The following WWOX variants were observed in gnomAD, a reference collection of about 807,000 sequenced individuals.
WWOX encodes the protein WW domain containing oxidoreductase, also known as WW domain-containing oxidoreductase.
Under a neutral mutation model 46.2 loss-of-function variants are expected in WWOX, and 69 were observed. The observed-to-expected ratio is 1.49, with a 90% CI of 1.23 to 1.82. The LOEUF (loss-of-function observed/expected upper bound fraction) is 1.82. WWOX is among the 40% of genes most tolerant of loss of function. The pLI, the probability that WWOX is intolerant of heterozygous loss-of-function variation, is 0.00. For missense variants in WWOX, 919 were observed against 542.6 expected (o/e 1.69, Z -6.89); for synonymous variants, 359 against 202.6 (o/e 1.77, Z -6.56).
intron 5 of WWOX, among the ~76,000 whole-genome samples, chr16:78,327,501 A>G (rs2080651790): frequency 1.3e-5 from 2 of 152,164 alleles, no homozygotes; most frequent in Non-Finnish European, 1.5e-5. Context: ...AAGCTCTATC[A>G]TGCTTGTAGA....
At chr16:78,926,752 C>T (rs992208133) in intron 8 of WWOX, among the ~76,000 whole-genome samples, 3 of 152,090 alleles carry the variant, frequency 2.0e-5, no homozygotes, top group African/African-American at 7.2e-5. Context: ...TCTAGAAAGA[C>T]CATGGGTGTG....
At chr16:78,521,793 T>C (rs919946733) in intron 8 of WWOX, among the ~76,000 whole-genome samples, 5 of 147,742 alleles carry the variant, frequency 3.4e-5, no homozygotes, top group South Asian at 2.2e-4. Context: ...GTTTTTTTTT[T>C]TGGCATAAGA....
At chr16:78,634,837 A>AGAGAGAGAGTGTGTGTGT (rs1346762709) in intron 8 of WWOX, among the ~76,000 whole-genome samples, 2 of 111,718 alleles carry the variant, frequency 1.8e-5, no homozygotes, top group Non-Finnish European at 3.8e-5. Flanking sequence ...AGAGAGAGAG[A>AGAGAGAGAGTGTGTGTGT]GTGTGTGTGT....
intron 8 of WWOX, among the ~76,000 whole-genome samples, chr16:79,165,196 T>A (rs1195841915): frequency 6.6e-6 from 1 of 151,902 alleles, no homozygotes; most frequent in Non-Finnish European, 1.5e-5. Flanking sequence ...CATGAACTTT[T>A]GTAGAAGTAG....
chr16:78,774,120 A>G (rs987588880), intron 8 of WWOX, among the ~76,000 whole-genome samples: 2 of 152,156 alleles, frequency 1.3e-5, no homozygotes, highest in African/African-American at 4.8e-5. Flanking sequence ...CATTACTTCT[A>G]GGCTGGGTGC....
At chr16:79,192,596 A>C (rs893042969) in intron 8 of WWOX, among the ~76,000 whole-genome samples, 2 of 152,232 alleles carry the variant, frequency 1.3e-5, no homozygotes, top group African/African-American at 2.4e-5. Flanking sequence ...TAAGGTGCCT[A>C]GGTATTCAGA....
At chr16:79,166,431 C>A (rs576732158) in intron 8 of WWOX, among the ~76,000 whole-genome samples, 1 of 152,204 alleles carries the variant, frequency 6.6e-6, no homozygotes, top group South Asian at 2.1e-4. Flanking sequence ...AATGATAAAT[C>A]CTCCCTCCTT....
intron 8 of WWOX, among the ~76,000 whole-genome samples, chr16:79,068,756 A>C (rs562702030): frequency 1.3e-5 from 2 of 151,506 alleles, no homozygotes. Flanking sequence ...GGCTGCAGTG[A>C]GATATGACCT....
At chr16:79,108,308 A>G (rs1476079527) in intron 8 of WWOX, among the ~76,000 whole-genome samples, 2 of 152,228 alleles carry the variant, frequency 1.3e-5, no homozygotes, top group Non-Finnish European at 2.9e-5. Context: ...CACACACATC[A>G]GTGTATACCC....
intron 8 of WWOX, among the ~76,000 whole-genome samples, chr16:78,641,414 C>G (rs2046707968): frequency 6.6e-6 from 1 of 152,112 alleles, no homozygotes; most frequent in South Asian, 2.1e-4. Flanking sequence ...ATCCGTGGCT[C>G]TTTCATTAAT....
Position 79,028,907 on chromosome 16 carries a change from A to AG in WWOX, c.1057-182701_1057-182700insG, listed in dbSNP as rs1555514328. On this transcript the variant is annotated intron_variant, in intron 8 of 8. Coordinates refer to ENST00000566780, the MANE Select transcript of WWOX (RefSeq NM_016373.4). The stretch of plus-strand genomic sequence containing the variant: ...GTTTCCTGAACCACTAGAAAAAAAA[A>AG]TGTTCATAAATTTATAGCCGCTGAC... Among the ~76,000 whole-genome samples, 15 of 151,380 alleles carry AG rather than the reference A, an allele frequency of 9.9e-5. 1 individual carries two copies. Among genetic ancestry groups the AG allele is most frequent in the Non-Finnish European group, 1.3e-4 (9 of 67,906 alleles).
At chr16:78,472,771 T>C (rs1330858088) in intron 8 of WWOX, among the ~76,000 whole-genome samples, 1 of 145,904 alleles carries the variant, frequency 6.9e-6, no homozygotes, top group Non-Finnish European at 1.5e-5. Flanking sequence ...ATCTTGCCAT[T>C]GTTCTCCAGC....
Position 78,521,144 on chromosome 16 carries a change from T to C in WWOX, c.1056+88392T>C, listed in dbSNP as rs548227613. 1.9e-4 allele frequency among the ~76,000 whole-genome samples: 29 copies of C among 152,300 alleles called. No individual in the cohort carries two copies. In the South Asian group the frequency reaches 6.0e-3, roughly 32 times the overall value. On this transcript the variant is annotated intron_variant, in intron 8 of 8. Coordinates refer to ENST00000566780, the MANE Select transcript of WWOX (RefSeq NM_016373.4). ...CATTTGACAGCTGTCTTATATAACT[T>C]AATTCTTCATTCCAGTGGCTTTTGG...
chr16:78,964,930 C>T (rs1191330317), intron 8 of WWOX, among the ~76,000 whole-genome samples: 3 of 152,224 alleles, frequency 2.0e-5, no homozygotes, highest in African/African-American at 7.2e-5. Context: ...GCCTTGGCAG[C>T]CTCCATGTGG....
chr16:78,217,026 C>G (rs1597364013), intron 5 of WWOX, among the ~76,000 whole-genome samples: 1 of 152,144 alleles, frequency 6.6e-6, no homozygotes, highest in East Asian at 1.9e-4. Flanking sequence ...CCCAGCCCCT[C>G]TCCCTATTTT....
chr16:78,731,710 A>C (rs187979967), intron 8 of WWOX, among the ~76,000 whole-genome samples: 108 of 152,238 alleles, frequency 7.1e-4, no homozygotes, highest in South Asian at 5.6e-3. Context: ...GAAAGCCTGT[A>C]AGAAGAAGCG....
chr16:79,173,640 GA>G (rs57035134), intron 8 of WWOX, among the ~76,000 whole-genome samples: 1,625 of 138,276 alleles, frequency 0.012, 32 homozygotes, highest in African/African-American at 0.038. Context: ...AAAATTTGAA[GA>G]AAAAAAAAAA....
At chr16:78,453,855 G>C (rs564478241) in intron 8 of WWOX, among the ~76,000 whole-genome samples, 1 of 152,004 alleles carries the variant, frequency 6.6e-6, no homozygotes, top group South Asian at 2.1e-4. Context: ...TTATAGTGAA[G>C]ATTTCATGTA....
At chr16:78,702,997 C>G (rs72796650) in intron 8 of WWOX, among the ~76,000 whole-genome samples, 4,080 of 152,258 alleles carry the variant, frequency 0.027, 74 homozygotes, top group Non-Finnish European at 0.041. Flanking sequence ...CTCTCCGCTC[C>G]CTTTCCTAAG....
Sources: gnomAD v4.1 joint callset for allele counts (sites outside exome capture counted in the v4.1 genomes callset) on GRCh38, gnomAD v4.1.1 for gene constraint, MANE v1.5 for transcripts, NCBI Gene and HGNC (gene_info 2026-07-23, HGNC 2026-07-21) for gene names.